FMO3: variants seen among roughly 807,000 people sequenced by gnomAD.
FMO3 encodes flavin containing dimethylaniline monoxygenase 3.
A neutral mutation model predicts 39.4 loss-of-function variants in FMO3; 40 were observed. The observed-to-expected ratio is 1.02, with a 90% CI of 0.79 to 1.32. The LOEUF (loss-of-function observed/expected upper bound fraction) is 1.32. Among genes scored for constraint, FMO3 ranks in the 40% most tolerant of loss-of-function variants. FMO3 has a pLI of 0.00. For synonymous variants in FMO3, 219 were observed against 228.8 expected (o/e 0.96, Z 0.39); for missense variants, 680 against 651.8 (o/e 1.04, Z -0.47).
intron 6 of FMO3, 90 bp downstream of exon 6, chr1:171,111,087 T>G: frequency 9.9e-7 from 1 of 1,005,832 alleles, no homozygotes; most frequent in South Asian, 1.3e-5. Context: ...CAAATCAAAG[T>G]ATTAGCAATC....
intron 5 of FMO3, among the ~76,000 whole-genome samples, chr1:171,110,091 T>A (rs2101916522): frequency 6.6e-6 from 1 of 152,302 alleles, no homozygotes; most frequent in Non-Finnish European, 1.5e-5. Flanking sequence ...GCAAATTCGA[T>A]TCTCTCCATT....
intron 2 of FMO3, among the ~76,000 whole-genome samples, chr1:171,095,812 T>C (rs1654935595): frequency 8.7e-6 from 1 of 114,888 alleles, no homozygotes; most frequent in Admixed American, 1.2e-4. Context: ...AATATATATT[T>C]ATATAACTAT....
At chr1:171,103,467 A>T (rs10911238) in intron 2 of FMO3, among the ~76,000 whole-genome samples, 33,504 of 151,972 alleles carry the variant, frequency 0.22, 3,862 homozygotes, top group South Asian at 0.28. Flanking sequence ...CCATTGATTT[A>T]AAAAATCCAA....
rs1210894596 is a variant in FMO3, at chr1:171,096,242, CAT to C, written c.132+3454_132+3455del. On this transcript the variant is annotated intron_variant, in intron 2 of 8. Transcript: ENST00000367755. ...TATAAATACATAAAATATATTATTT[CAT>C]ACATATTATATAATTTTATATATAT... Among the ~76,000 whole-genome samples, 62 of 63,202 alleles carry C rather than the reference CAT, an allele frequency of 9.8e-4. 2 individuals carry two copies. The South Asian group carries it at 0.039, about 40-fold the overall frequency. 41.5% of individuals were successfully genotyped at this position (63,202 alleles called of 152,430 possible).
At position 171,117,172 on chromosome 1, in the gene FMO3, A is replaced by G; in HGVS notation, c.1329A>G (p.Ala443=). The G allele has an allele frequency of 6.2e-7, 1 of 1,614,184 alleles. No homozygotes were observed. The change falls in exon 9 of 9, where the codon GCA becomes GCG. Residue 443 remains alanine, a synonymous_variant. Transcript: ENST00000367755. ...ATGAACTCTCCTCCTTCATTGGGGC[A>G]AAGCCCAACATCCCATGGCTGTTTC... ...YMDELSSFIG[A]KPNIPWLFLT...
intron 8 of FMO3, 74 bp downstream of exon 8, chr1:171,116,354 T>C: frequency 1.2e-6 from 1 of 802,128 alleles, no homozygotes; most frequent in Admixed American, 2.0e-5. Context: ...TTGGAACTGT[T>C]TTAATCTTAA....
intron 2 of FMO3, among the ~76,000 whole-genome samples, chr1:171,102,975 A>G (rs1037458361): frequency 6.6e-6 from 1 of 152,222 alleles, no homozygotes; most frequent in Non-Finnish European, 1.5e-5. Flanking sequence ...TATTTTATAC[A>G]TTATAGAAAT....
chr1:171,099,947 G>A (rs28363530), intron 2 of FMO3: 21,753 of 151,690 alleles, frequency 0.14, 1,973 homozygotes, highest in Non-Finnish European at 0.2. Context: ...ATCACGCCCC[G>A]CTAATTTTTG....
At chr1:171,104,668 G>A (rs1339153791) in intron 3 of FMO3, among the ~76,000 whole-genome samples, 1 of 152,114 alleles carries the variant, frequency 6.6e-6, no homozygotes, top group Non-Finnish European at 1.5e-5. Flanking sequence ...GAGTCCAGGA[G>A]TTGGAAACTA....
At chr1:171,113,973 A>T (rs1656024686) in intron 6 of FMO3, 34 bp from the exon 7 acceptor site, 1 of 1,393,162 alleles carries the variant, frequency 7.2e-7, no homozygotes, top group Non-Finnish European at 1.0e-6. Flanking sequence ...GGGAAATATT[A>T]CACTTCCAAT....
At chr1:171,094,754 G>A (rs1443747746) in intron 2 of FMO3, among the ~76,000 whole-genome samples, 1 of 152,114 alleles carries the variant, frequency 6.6e-6, no homozygotes, top group African/African-American at 2.4e-5. Context: ...CTATAGGGAT[G>A]AGGCTTTATT....
rs1176032822 is a variant in FMO3, at chr1:171,092,768, T to C, written c.110T>C (p.Ile37Thr). 7 of 1,613,880 alleles carry C rather than the reference T, an allele frequency of 4.3e-6. No individual in the cohort carries two copies. The highest frequency in any genetic ancestry group is 1.3e-5 in the African/African-American group (1 of 74,898). Residue 37 changes from isoleucine (I) to threonine (T), a missense_variant, in exon 2 of 9, where the codon ATT becomes ACT. Ile to Thr is a moderately conservative substitution (Grantham distance 89, BLOSUM62 -1). Coordinates refer to ENST00000367755, the MANE Select transcript of FMO3 (RefSeq NM_001002294.3). ...ACCTGCTTTGAGAAGAGCAATGACATTGGGGGCCTGTGGAAATTTTCAGTG... is the reference window on the plus strand; with the variant it reads ...ACCTGCTTTGAGAAGAGCAATGACACTGGGGGCCTGTGGAAATTTTCAGTG... ...EPTCFEKSND[I>T]GGLWKFSDHA...
chr1:171,096,101 A>G lies in FMO3; in HGVS notation c.132+3311A>G, dbSNP rs1262997377. Among the ~76,000 whole-genome samples the G allele has an allele frequency of 3.6e-4, 17 of 47,490 alleles. 1 individual carries two copies. The highest frequency in any genetic ancestry group is 1.6e-3 in the Admixed American group (4 of 2,524). 31.2% of individuals were successfully genotyped at this position (47,490 alleles called of 152,430 possible). A position where few individuals can be genotyped will look rare whatever the true frequency, so the allele number is the denominator to read the frequency against. On this transcript the variant is annotated intron_variant, in intron 2 of 8. Transcript: ENST00000367755. The stretch of plus-strand genomic sequence containing the variant: ...ATATAATATATATTAATATTTTTAT[A>G]TAATTAATTATTATATATTAATAAT...
At chr1:171,103,737 G>A (rs752742015) in intron 2 of FMO3, 48 bp from the exon 3 acceptor site, 1 of 1,453,154 alleles carries the variant, frequency 6.9e-7, no homozygotes, top group Non-Finnish European at 9.7e-7. Context: ...ACCATGATCA[G>A]TATACTCATT....
At position 171,092,687 on chromosome 1, in the gene FMO3, C is replaced by T. The variant is rs754588041; in HGVS notation, c.29C>T (p.Ala10Val). MGKKVAIIG[A>V]GVSGLASIRS... ...GGGAAGAAAGTGGCCATCATTGGAG[C>T]TGGTGTGAGTGGCTTGGCCTCCATC... The change falls in exon 2 of 9, where the codon GCT (alanine) becomes GTT (valine). Residue 10 changes from alanine to valine, a missense_variant. Physicochemically the swap from Ala to Val is moderately conservative, Grantham distance 64 (BLOSUM62 0). Transcript: ENST00000367755. 28 of 1,614,008 alleles carry T rather than the reference C, an allele frequency of 1.7e-5. No homozygotes were observed. The highest frequency in any genetic ancestry group is 9.9e-5 in the South Asian group (9 of 91,090).
chr1:171,111,432 C>T (rs990012598), intron 6 of FMO3, among the ~76,000 whole-genome samples: 3 of 152,150 alleles, frequency 2.0e-5, no homozygotes, highest in African/African-American at 4.8e-5. Context: ...GTAGAAGCAG[C>T]GTTCAAAACA....
In FMO3 at chr1:171,092,696, G is replaced by A; in HGVS notation, c.38G>A (p.Ser13Asn). ...KKVAIIGAGV[S>N]GLASIRSCLE... ...GTGGCCATCATTGGAGCTGGTGTGA[G>A]TGGCTTGGCCTCCATCAGGAGCTGT... Residue 13 changes from serine to asparagine, a missense_variant, in exon 2 of 9, where the codon AGT becomes AAT. Coordinates refer to ENST00000367755, the MANE Select transcript of FMO3 (RefSeq NM_001002294.3). The A allele has an allele frequency of 1.2e-6, 2 of 1,614,188 alleles. No individual in the cohort carries two copies. The highest frequency in any genetic ancestry group is 8.5e-7 in the Non-Finnish European group (1 of 1,180,020).
intron 1 of FMO3, among the ~76,000 whole-genome samples, chr1:171,091,959 A>G (rs1654731680): frequency 6.6e-6 from 1 of 151,978 alleles, no homozygotes; most frequent in East Asian, 1.9e-4. Flanking sequence ...CTTCATTCCC[A>G]TATACAGGCA....
chr1:171,096,634 A>T (rs1201310969), intron 2 of FMO3, among the ~76,000 whole-genome samples: 12 of 74,766 alleles, frequency 1.6e-4, no homozygotes, highest in East Asian at 1.2e-3. Flanking sequence ...TACTTTATAT[A>T]TTAAATACAT....
Sources: gnomAD v4.1 joint callset for allele counts (sites outside exome capture counted in the v4.1 genomes callset) on GRCh38, gnomAD v4.1.1 for gene constraint, MANE v1.5 for transcripts, NCBI Gene and HGNC (gene_info 2026-07-23, HGNC 2026-07-21) for gene names.